NFKBIZ: variants seen among roughly 807,000 people sequenced by gnomAD.
The protein encoded by NFKBIZ is NF-kappa-B inhibitor zeta.
In NFKBIZ, 19 loss-of-function variants were observed where a neutral mutation model predicts 76.8. The ratio of observed to expected loss-of-function variants is 0.25; its 90% CI spans 0.17 to 0.36. The LOEUF is 0.36. Ranked by LOEUF, NFKBIZ falls within the 10% of genes least tolerant of loss-of-function variation. The pLI is 1.00. For missense variants in NFKBIZ, 829 were observed against 910.9 expected (o/e 0.91, Z 1.16); for synonymous variants, 368 against 354.8 (o/e 1.04, Z -0.42).
At chr3:101,842,876 G>T (rs1336583568) in intron 2 of NFKBIZ, among the ~76,000 whole-genome samples, 1 of 151,798 alleles carries the variant, frequency 6.6e-6, no homozygotes, top group African/African-American at 2.4e-5. Flanking sequence ...ATGGAGAAGA[G>T]AGGAGGGTTT....
chr3:101,860,527 CTAATTTA>C lies in NFKBIZ; in HGVS notation c.*1158_*1164del. 1 of 152,158 alleles carries C rather than the reference CTAATTTA, an allele frequency of 6.6e-6. No homozygotes were observed. Among genetic ancestry groups the C allele is most frequent in the Non-Finnish European group, 1.5e-5 (1 of 67,986 alleles). 9.4% of individuals were successfully genotyped at this position (152,158 alleles called of 1,614,324 possible). A position where few individuals can be genotyped will look rare whatever the true frequency, so the allele number is the denominator to read the frequency against. On this transcript the variant is annotated 3_prime_UTR_variant, in exon 12 of 12. Transcript: ENST00000326172. ...CTTTATGGCTTACCCTCTAGAATTT[CTAATTTA>C]TGTGTTCTGTTGAAATTTTTGTTTT...
intron 2 of NFKBIZ, among the ~76,000 whole-genome samples, chr3:101,831,202 T>C (rs1413037581): frequency 6.6e-6 from 1 of 152,188 alleles, no homozygotes; most frequent in Non-Finnish European, 1.5e-5. Flanking sequence ...AGGGTGATAT[T>C]ATCTCCAAGA....
At chr3:101,836,435 C>T (rs1012040043) in intron 2 of NFKBIZ, among the ~76,000 whole-genome samples, 1 of 152,198 alleles carries the variant, frequency 6.6e-6, no homozygotes, top group African/African-American at 2.4e-5. Context: ...TCATGGCCAC[C>T]TGGCATTATC....
chr3:101,859,459 G>T lies in NFKBIZ; in HGVS notation c.*88G>T. The T allele has an allele frequency of 9.4e-7, 1 of 1,059,752 alleles. No individual in the cohort carries two copies. The highest frequency in any genetic ancestry group is 1.3e-5 in the South Asian group (1 of 74,676). The allele number at this position is 1,059,752 out of a possible 1,614,324, so 65.6% of individuals were successfully genotyped here. A position where few individuals can be genotyped will look rare whatever the true frequency, so the allele number is the denominator to read the frequency against. The stretch of plus-strand genomic sequence containing the variant: ...GTACATAGACCATTTGCCTTATATT[G>T]GCAAATGTAAGTTGTTTCTATGAAA... On this transcript the variant is annotated 3_prime_UTR_variant, in exon 12 of 12. Coordinates refer to ENST00000326172, the MANE Select transcript of NFKBIZ (RefSeq NM_031419.4).
chr3:101,856,026 C>A, intron 9 of NFKBIZ, 124 bp downstream of exon 9: 4 of 870,994 alleles, frequency 4.6e-6, no homozygotes, highest in Non-Finnish European at 6.8e-6. Context: ...GTGTGAGTAG[C>A]AATGTATGGG....
At position 101,853,510 on chromosome 3, in the gene NFKBIZ, T is replaced by A. The variant is rs1234449261; in HGVS notation, c.984T>A (p.Asp328Glu). 1 of 1,614,238 alleles carries A rather than the reference T, an allele frequency of 6.2e-7. No homozygotes were observed. The highest frequency in any genetic ancestry group is 8.5e-7 in the Non-Finnish European group (1 of 1,180,048). The part of the protein sequence containing the change: ...QSPAYEPNLF[D>E]GPESQFCPNQ... Reference sequence around the variant, plus strand: ...CCGCTTATGAACCAAACCTCTTTGATGGTCCAGAATCACAGTTTTGCCCAA... The same window carrying A: ...CCGCTTATGAACCAAACCTCTTTGAAGGTCCAGAATCACAGTTTTGCCCAA... Residue 328 changes from aspartate (D) to glutamate (E), a missense_variant, in exon 5 of 12, where the codon GAT (aspartate) becomes GAA (glutamate). This residue lies in a region of NFKBIZ where 371 missense variants were observed against 332.3 expected (regional missense o/e 1.12). Transcript: ENST00000326172.
intron 2 of NFKBIZ, among the ~76,000 whole-genome samples, chr3:101,834,002 C>T (rs140992585): frequency 6.6e-4 from 101 of 152,218 alleles, no homozygotes; most frequent in African/African-American, 2.3e-3. Flanking sequence ...ATGCAAATAA[C>T]CTTTAAGAAG....
upstream of NFKBIZ, among the ~76,000 whole-genome samples, chr3:101,847,790 T>G (rs1942873740): frequency 6.6e-6 from 1 of 152,226 alleles, no homozygotes; most frequent in African/African-American, 2.4e-5. Flanking sequence ...CTGTATTTAC[T>G]TTGGACCTAC....
chr3:101,856,801 A>T (rs1275192415), intron 9 of NFKBIZ: 1 of 322,548 alleles, frequency 3.1e-6, no homozygotes, highest in Non-Finnish European at 5.7e-6. Context: ...ATGACATAGG[A>T]TTTAAAAATA....
intron 1 of NFKBIZ, among the ~76,000 whole-genome samples, chr3:101,850,760 T>G (rs1447331574): frequency 6.6e-6 from 1 of 152,200 alleles, no homozygotes; most frequent in African/African-American, 2.4e-5. Flanking sequence ...CCTGTTTTGG[T>G]TGTCATTTAT....
rs572149041 is a variant in NFKBIZ at position 101,854,857 on chromosome 3, T to TTGTAG, written c.1443+175_1443+179dup. Among the ~76,000 whole-genome samples, 306 of 152,262 alleles carry TTGTAG rather than the reference T, an allele frequency of 2.0e-3. 1 individual carries two copies. Among genetic ancestry groups the TTGTAG allele is most frequent in the Non-Finnish European group, 3.5e-3 (241 of 68,004 alleles). The stretch of plus-strand genomic sequence containing the variant: ...AACCTTGAAGTTATTAATGTTAACT[T>TTGTAG]TGTAGCTGTTTGACCAAACACTGAG... On this transcript the variant is annotated intron_variant, in intron 6 of 11. Coordinates refer to ENST00000326172, the MANE Select transcript of NFKBIZ (RefSeq NM_031419.4).
Position 101,856,988 on chromosome 3 carries a change from T to C in NFKBIZ, c.1825-85T>C, listed in dbSNP as rs1576819156. 7 of 957,856 alleles carry C rather than the reference T, an allele frequency of 7.3e-6. No individual in the cohort carries two copies. The East Asian group carries it at 1.7e-4, about 23-fold the overall frequency. The allele number at this position is 957,856 out of a possible 1,614,324, so 59.3% of individuals were successfully genotyped here. On this transcript the variant is annotated intron_variant, in intron 9 of 11. Coordinates refer to ENST00000326172, the MANE Select transcript of NFKBIZ (RefSeq NM_031419.4). Reference sequence around the variant, plus strand: ...TGAGTCTCTGAAGCTGAATCAGACATTCAGGAGACTGGGTGAAAAGTGTAT... The same window carrying C: ...TGAGTCTCTGAAGCTGAATCAGACACTCAGGAGACTGGGTGAAAAGTGTAT...
rs775182684 is a variant in NFKBIZ at position 101,855,910 on chromosome 3, C to T, written c.1824+8C>T. 1 of 1,598,744 alleles carries T rather than the reference C, an allele frequency of 6.3e-7. No individual in the cohort carries two copies. Reference sequence around the variant, plus strand: ...GCAGCGGTGGAAGCGAAGGTAAATTCACAGAAAAGGTTTAAGATGGGGTAG... The same window carrying T: ...GCAGCGGTGGAAGCGAAGGTAAATTTACAGAAAAGGTTTAAGATGGGGTAG... On this transcript the variant is annotated splice_region_variant and intron_variant, in intron 9 of 11. Transcript: ENST00000326172.
chr3:101,843,679 T>C (rs1942815465), intron 2 of NFKBIZ, among the ~76,000 whole-genome samples: 1 of 152,226 alleles, frequency 6.6e-6, no homozygotes, highest in South Asian at 2.1e-4. Flanking sequence ...TTAAAATCCA[T>C]TGGCCACATC....
chr3:101,854,724 C>A (rs1217524978), intron 6 of NFKBIZ, 41 bp downstream of exon 6: 40 of 1,385,188 alleles, frequency 2.9e-5, no homozygotes, highest in Non-Finnish European at 3.8e-5. Context: ...AAGAGGGGGT[C>A]ATGGTGAAGT....
intron 2 of NFKBIZ, among the ~76,000 whole-genome samples, chr3:101,833,230 G>T (rs555298875): frequency 6.6e-6 from 1 of 152,308 alleles, no homozygotes; most frequent in East Asian, 1.9e-4. Flanking sequence ...CTTGCTGGAG[G>T]TTTAAAAGGG....
chr3:101,837,542 C>T (rs1160597095), intron 2 of NFKBIZ, among the ~76,000 whole-genome samples: 1 of 147,262 alleles, frequency 6.8e-6, no homozygotes, highest in African/African-American at 2.5e-5. Context: ...AAAAATCATA[C>T]AGGCCACAGA....
At chr3:101,858,450 G>T (rs1943084043) in intron 11 of NFKBIZ, 1 of 985,140 alleles carries the variant, frequency 1.0e-6, no homozygotes, top group Non-Finnish European at 1.2e-6. Context: ...AGAGTCCTAA[G>T]CCCAGTATTT....
intron 2 of NFKBIZ, among the ~76,000 whole-genome samples, chr3:101,843,440 C>T (rs1272462889): frequency 6.6e-6 from 1 of 152,032 alleles, no homozygotes; most frequent in Non-Finnish European, 1.5e-5. Context: ...GAAACCCTGT[C>T]TCTTAAAAAA....
Sources: allele counts gnomAD v4.1 joint callset (sites outside exome capture counted in the v4.1 genomes callset), GRCh38; gene constraint gnomAD v4.1.1; regional missense constraint gnomAD v4.1.1; transcripts MANE v1.5; gene names NCBI Gene and HGNC (gene_info 2026-07-23, HGNC 2026-07-21).